Variants in IDNK observed in about 807,000 individuals in gnomAD.
IDNK encodes the protein gluconokinase.
A neutral mutation model predicts 13.0 loss-of-function variants in IDNK; 9 were observed. The observed-to-expected ratio is 0.69, with a 90% confidence interval of 0.42 to 1.21. The LOEUF is 1.21. Among genes scored for constraint, IDNK ranks in the 50% most tolerant of loss-of-function variants. IDNK has a pLI of 0.00. For synonymous variants in IDNK, 92 were observed against 94.9 expected (o/e 0.97, Z 0.18); for missense variants, 210 against 237.8 (o/e 0.88, Z 0.77).
In IDNK at chr9:83,643,521, C is replaced by T; in HGVS notation, c.305C>T (p.Ala102Val). 1.9e-6 allele frequency: 3 copies of T among 1,613,736 alleles called. No individual in the cohort carries two copies. The highest frequency in any genetic ancestry group is 2.5e-6 in the Non-Finnish European group (3 of 1,179,904). Residue 102 changes from alanine to valine, a missense_variant, in exon 5 of 5, where the codon GCT becomes GTT. By Grantham distance (64) the Ala-to-Val change is moderately conservative. Transcript: ENST00000376419. ...DILTQGKDGV[A>V]LKCEESGKEA... The stretch of plus-strand genomic sequence containing the variant: ...TTAACACAAGGAAAAGATGGTGTAG[C>T]TCTGAAGTGTGAGGAGTCGGGAAAG...
At chr9:83,629,066 C>T in intron 3 of IDNK, 107 bp downstream of exon 3, 1 of 861,416 alleles carries the variant, frequency 1.2e-6, no homozygotes, top group Non-Finnish European at 2.0e-6. Flanking sequence ...GGTCACTGTA[C>T]AGGGGCTACA....
intron 4 of IDNK, among the ~76,000 whole-genome samples, chr9:83,642,671 T>C (rs1335115900): frequency 1.3e-5 from 2 of 152,020 alleles, no homozygotes. Flanking sequence ...GCACCACCTC[T>C]TAACTCTAGA....
chr9:83,623,729 C>T (rs1013549732), intron 1 of IDNK, among the ~76,000 whole-genome samples: 13 of 152,244 alleles, frequency 8.5e-5, no homozygotes, highest in Non-Finnish European at 1.3e-4. Context: ...TTTCCCCTTC[C>T]TTTCATCAGC....
Position 83,644,106 on chromosome 9 carries a change from A to G in IDNK, c.*326A>G, listed in dbSNP as rs939563340. ...TGCTCATGCCTGTATTTGCACAAAT[A>G]AATGAAACTTCGCTGTCCTTGGCAT... On this transcript the variant is annotated 3_prime_UTR_variant, in exon 5 of 5. Coordinates refer to ENST00000376419, the MANE Select transcript of IDNK (RefSeq NM_001001551.4). The G allele has an allele frequency of 1.5e-5, 4 of 267,260 alleles. No homozygotes were observed. The highest frequency in any genetic ancestry group is 5.1e-5 in the Admixed American group (1 of 19,770). 16.6% of individuals were successfully genotyped at this position (267,260 alleles called of 1,614,324 possible). A position where few individuals can be genotyped will look rare whatever the true frequency, so the allele number is the denominator to read the frequency against.
chr9:83,631,613 A>G (rs1457357196), intron 3 of IDNK, among the ~76,000 whole-genome samples: 1 of 152,018 alleles, frequency 6.6e-6, no homozygotes, highest in Non-Finnish European at 1.5e-5. Context: ...CCCTGTCTGA[A>G]AAAAATATAT....
intron 3 of IDNK, among the ~76,000 whole-genome samples, chr9:83,632,402 G>A (rs991319918): frequency 6.6e-6 from 1 of 152,024 alleles, no homozygotes; most frequent in African/African-American, 2.4e-5. Flanking sequence ...CGAGCACTGG[G>A]CTGGGAGTCG....
intron 2 of IDNK, among the ~76,000 whole-genome samples, 156 bp downstream of exon 2, chr9:83,628,367 G>A (rs956106710): frequency 6.6e-6 from 1 of 152,178 alleles, no homozygotes; most frequent in Non-Finnish European, 1.5e-5. Context: ...TACAAATAGT[G>A]ATGAATAGGC....
At chr9:83,635,275 A>C (rs1040499421) in intron 3 of IDNK, among the ~76,000 whole-genome samples, 5 of 152,256 alleles carry the variant, frequency 3.3e-5, no homozygotes, top group Non-Finnish European at 7.3e-5. Context: ...TCAATGTACC[A>C]AAAGAAATAC....
intron 3 of IDNK, among the ~76,000 whole-genome samples, chr9:83,631,213 C>T (rs1831002246): frequency 6.6e-6 from 1 of 151,966 alleles, no homozygotes; most frequent in Non-Finnish European, 1.5e-5. Context: ...GTCAGAGGCC[C>T]TGGTTCTCCC....
intron 3 of IDNK, among the ~76,000 whole-genome samples, chr9:83,640,019 G>C (rs1831260310): frequency 6.6e-6 from 1 of 152,148 alleles, no homozygotes; most frequent in Non-Finnish European, 1.5e-5. Flanking sequence ...CCAAGTAAGA[G>C]GATGCAGTAA....
At chr9:83,630,839 G>T in intron 3 of IDNK, among the ~76,000 whole-genome samples, 1 of 152,040 alleles carries the variant, frequency 6.6e-6, no homozygotes, top group Non-Finnish European at 1.5e-5. Flanking sequence ...GGATTGGGGG[G>T]TAGAATTCAG....
At chr9:83,623,073 C>CT, upstream of IDNK, 1 of 977,160 alleles carries the variant, frequency 1.0e-6, no homozygotes, top group Non-Finnish European at 1.4e-6. Flanking sequence ...ACGGCCCTCA[C>CT]TGCCCCGGCC....
At chr9:83,628,803 G>C in intron 2 of IDNK, 70 bp from the exon 3 acceptor site, 1 of 1,091,784 alleles carries the variant, frequency 9.2e-7, no homozygotes, top group East Asian at 2.4e-5. Flanking sequence ...CTGCCTGTTA[G>C]TAATCCCACA....
chr9:83,624,706 G>GTT (rs60612510), intron 1 of IDNK, among the ~76,000 whole-genome samples: 42,302 of 148,202 alleles, frequency 0.29, 7,005 homozygotes, highest in East Asian at 0.78. Context: ...AGCTTCTTTT[G>GTT]TTTTTTTTTT....
intron 1 of IDNK, chr9:83,627,933 G>T: frequency 9.8e-7 from 1 of 1,017,094 alleles, no homozygotes; most frequent in Non-Finnish European, 1.2e-6. Context: ...GGTTTAATGA[G>T]ATCTTATATA....
At chr9:83,629,519 A>G (rs1830955238) in intron 3 of IDNK, among the ~76,000 whole-genome samples, 1 of 151,972 alleles carries the variant, frequency 6.6e-6, no homozygotes, top group Non-Finnish European at 1.5e-5. Flanking sequence ...TCTCCACAGG[A>G]GCTCCCTGGC....
intron 3 of IDNK, 100 bp downstream of exon 3, chr9:83,629,059 C>A: frequency 2.2e-6 from 2 of 920,434 alleles, no homozygotes; most frequent in South Asian, 1.3e-5. Flanking sequence ...GTCCTAAGGT[C>A]ACTGTACAGG....
rs1204170325 is a variant in IDNK, at chr9:83,643,547, G to C, written c.331G>C (p.Glu111Gln). ...VALKCEESGK[E>Q]AKQAEMQLLV... is the part of the protein sequence containing the mutation. The stretch of plus-strand genomic sequence containing the variant: ...TCTGAAGTGTGAGGAGTCGGGAAAG[G>C]AAGCAAAGCAGGCTGAGATGCAGCT... The change falls in exon 5 of 5, where the codon GAA (glutamate) becomes CAA (glutamine). Residue 111 changes from glutamate to glutamine, a missense_variant. Physicochemically the swap from Glu to Gln is conservative, Grantham distance 29. Coordinates refer to ENST00000376419, the MANE Select transcript of IDNK (RefSeq NM_001001551.4). 1.2e-6 allele frequency: 2 copies of C among 1,613,738 alleles called. No individual in the cohort carries two copies. The highest frequency in any genetic ancestry group is 3.3e-5 in the Admixed American group (2 of 59,962).
At chr9:83,641,076 TTC>T (rs1327744138) in intron 3 of IDNK, among the ~76,000 whole-genome samples, 3 of 152,236 alleles carry the variant, frequency 2.0e-5, no homozygotes, top group Non-Finnish European at 4.4e-5. Flanking sequence ...TTCATCTGTC[TTC>T]TCTTTGGCAA....
Sources: gnomAD v4.1 joint callset for allele counts (sites outside exome capture counted in the v4.1 genomes callset) on GRCh38, gnomAD v4.1.1 for gene constraint, MANE v1.5 for transcripts, NCBI Gene and HGNC (gene_info 2026-07-23, HGNC 2026-07-21) for gene names.